The following COL8A1 variants were observed in gnomAD, a reference collection of about 807,000 sequenced individuals.
The protein encoded by COL8A1 is collagen type VIII alpha 1 chain, also known as collagen alpha-1(VIII) chain.
In COL8A1, 21 loss-of-function variants were observed where a neutral mutation model predicts 42.7. The ratio of observed to expected loss-of-function variants is 0.49; its 90% CI spans 0.35 to 0.71. The LOEUF (loss-of-function observed/expected upper bound fraction) is 0.71. Among genes scored for constraint, COL8A1 ranks in the 30% least tolerant of loss-of-function variants. The pLI, the probability that COL8A1 is intolerant of heterozygous loss-of-function variation, is 0.01. For missense variants in COL8A1, 788 were observed against 962.4 expected, an observed-to-expected ratio of 0.82 and a Z score of 2.40; for synonymous variants, 367 against 369.1, an observed-to-expected ratio of 0.99 and a Z score of 0.06.
intron 2 of COL8A1, among the ~76,000 whole-genome samples, chr3:99,763,357 G>T (rs527242187): frequency 6.6e-6 from 1 of 152,248 alleles, no homozygotes; most frequent in African/African-American, 2.4e-5. Flanking sequence ...AGGGAAGGAT[G>T]GGTTCCTTGG....
chr3:99,760,136 A>G (rs80094536), intron 2 of COL8A1, among the ~76,000 whole-genome samples: 5 of 147,058 alleles, frequency 3.4e-5, no homozygotes, highest in African/African-American at 1.2e-4. Flanking sequence ...CTAGAGACTC[A>G]AAAAAAAAAA....
At chr3:99,687,636 G>T (rs73150269) in intron 1 of COL8A1, among the ~76,000 whole-genome samples, 2 of 152,196 alleles carry the variant, frequency 1.3e-5, no homozygotes, top group Non-Finnish European at 2.9e-5. Context: ...GCTTGCACAC[G>T]TAGCTGATAC....
At chr3:99,698,541 A>G (rs1174559094) in intron 1 of COL8A1, among the ~76,000 whole-genome samples, 1 of 152,244 alleles carries the variant, frequency 6.6e-6, no homozygotes, top group African/African-American at 2.4e-5. Flanking sequence ...ACTGATTTGA[A>G]AGGAAATTAT....
At chr3:99,774,461 G>A (rs555828497) in intron 2 of COL8A1, among the ~76,000 whole-genome samples, 1 of 152,104 alleles carries the variant, frequency 6.6e-6, no homozygotes, top group South Asian at 2.1e-4. Flanking sequence ...GTCTTGTTCA[G>A]ACTGATATTA....
chr3:99,704,277 A>T (rs1939619282), intron 1 of COL8A1, among the ~76,000 whole-genome samples: 1 of 152,210 alleles, frequency 6.6e-6, no homozygotes, highest in Non-Finnish European at 1.5e-5. Context: ...CAAGAAACAA[A>T]TTCAGCTCAA....
chr3:99,689,662 A>G (rs1459349883), intron 1 of COL8A1, among the ~76,000 whole-genome samples: 2 of 152,252 alleles, frequency 1.3e-5, no homozygotes, highest in Non-Finnish European at 2.9e-5. Context: ...AACACATTAA[A>G]TTAAATATAT....
chr3:99,795,261 T>C lies in COL8A1; in HGVS notation c.1360T>C (p.Leu454=). 1 of 1,612,916 alleles carries C rather than the reference T, an allele frequency of 6.2e-7. No individual in the cohort carries two copies. Among genetic ancestry groups the C allele is most frequent in the Non-Finnish European group, 8.5e-7 (1 of 1,179,434 alleles). Residue 454 remains leucine, a synonymous_variant, in exon 4 of 4, where the codon TTG becomes CTG. Coordinates refer to ENST00000652472, the MANE Select transcript of COL8A1 (RefSeq NM_020351.4). Reference sequence around the variant, plus strand: ...AGTAGGGCCTCCTGGCATGAGGGGTTTGCCAGGTCCCATAGGGCCCAAGGG... The same window carrying C: ...AGTAGGGCCTCCTGGCATGAGGGGTCTGCCAGGTCCCATAGGGCCCAAGGG... ...GEVGPPGMRG[L]PGPIGPKGEA... is the part of the protein sequence containing the mutation.
intron 1 of COL8A1, among the ~76,000 whole-genome samples, chr3:99,718,044 T>G (rs1216246891): frequency 6.6e-6 from 1 of 151,954 alleles, no homozygotes; most frequent in Non-Finnish European, 1.5e-5. Flanking sequence ...TCCCTCTGTT[T>G]ATCCAATTCC....
intron 2 of COL8A1, among the ~76,000 whole-genome samples, chr3:99,764,303 A>C (rs1941418616): frequency 6.6e-6 from 1 of 152,226 alleles, no homozygotes; most frequent in Admixed American, 6.5e-5. Context: ...TAATAAATAA[A>C]GTCCTGCTGT....
chr3:99,696,693 G>C (rs931750169), intron 1 of COL8A1, among the ~76,000 whole-genome samples: 1 of 152,150 alleles, frequency 6.6e-6, no homozygotes, highest in African/African-American at 2.4e-5. Flanking sequence ...ATCAGTCCCC[G>C]GGGTTACGCA....
intron 1 of COL8A1, among the ~76,000 whole-genome samples, chr3:99,704,565 G>A (rs1411439415): frequency 1.3e-5 from 2 of 152,062 alleles, no homozygotes; most frequent in Admixed American, 6.5e-5. Flanking sequence ...TATCAGGGTC[G>A]AATTACACAG....
intron 1 of COL8A1, among the ~76,000 whole-genome samples, chr3:99,716,360 C>A (rs976995784): frequency 2.6e-5 from 4 of 151,944 alleles, no homozygotes; most frequent in African/African-American, 9.7e-5. Flanking sequence ...TCTTAAACAT[C>A]GAGGCAGTTG....
Position 99,692,634 on chromosome 3 carries a change from C to G in COL8A1, c.-128-52263C>G, listed in dbSNP as rs1204325092. The stretch of plus-strand genomic sequence containing the variant: ...TTCTTCAATTTGCCTCAAGACTATT[C>G]TAGGTTTTGCCTGGGAAAAAGTCCT... On this transcript the variant is annotated intron_variant, in intron 1 of 3. Transcript: ENST00000652472. Among the ~76,000 whole-genome samples the G allele has an allele frequency of 2.6e-5, 4 of 152,202 alleles. No individual in the cohort carries two copies. The East Asian group carries it at 7.7e-4, about 29-fold the overall frequency.
chr3:99,787,800 GCTGGCAA>G, intron 2 of COL8A1, among the ~76,000 whole-genome samples: 1 of 151,910 alleles, frequency 6.6e-6, no homozygotes, highest in Non-Finnish European at 1.5e-5. Flanking sequence ...AGCCAGCCTG[GCTGGCAA>G]AGATTCAATG....
At chr3:99,731,247 A>T (rs1940500202) in intron 1 of COL8A1, among the ~76,000 whole-genome samples, 1 of 152,164 alleles carries the variant, frequency 6.6e-6, no homozygotes, top group Admixed American at 6.5e-5. Flanking sequence ...TTAACTTTAG[A>T]TTGGATGTTC....
intron 1 of COL8A1, among the ~76,000 whole-genome samples, chr3:99,724,013 G>T (rs1940231970): frequency 6.6e-6 from 1 of 152,102 alleles, no homozygotes; most frequent in African/African-American, 2.4e-5. Flanking sequence ...CTATTGTTTG[G>T]TTTTTATTGC....
At chr3:99,673,730 G>A (rs984185702) in intron 1 of COL8A1, among the ~76,000 whole-genome samples, 14 of 151,992 alleles carry the variant, frequency 9.2e-5, no homozygotes, top group African/African-American at 2.7e-4. Flanking sequence ...AGAGGTAGCA[G>A]AGCATAGGTA....
intron 1 of COL8A1, among the ~76,000 whole-genome samples, chr3:99,699,253 T>A (rs1353415517): frequency 6.6e-6 from 1 of 152,236 alleles, no homozygotes; most frequent in Non-Finnish European, 1.5e-5. Context: ...CTCTCTCATC[T>A]GTATACTCTC....
At chr3:99,665,166 T>A (rs1278602962) in intron 1 of COL8A1, among the ~76,000 whole-genome samples, 1 of 152,194 alleles carries the variant, frequency 6.6e-6, no homozygotes, top group Non-Finnish European at 1.5e-5. Context: ...TCTCTCCTTC[T>A]TGCATGTATT....
Sources: allele counts gnomAD v4.1 joint callset (sites outside exome capture counted in the v4.1 genomes callset), GRCh38; gene constraint gnomAD v4.1.1; transcripts MANE v1.5; gene names NCBI Gene and HGNC (gene_info 2026-07-23, HGNC 2026-07-21).